PLAGL1: variants seen among roughly 807,000 people sequenced by gnomAD.
The protein encoded by PLAGL1 is zinc finger protein PLAGL1.
PLAGL1 carries 1 observed loss-of-function variant against 4.6 expected under a neutral mutation model. The observed-to-expected ratio is 0.22, with a 90% CI of 0.08 to 1.03. The LOEUF is 1.03. PLAGL1 is among the 50% of genes least tolerant of loss of function. The probability of loss-of-function intolerance (pLI) is 0.58; values close to 1 mark genes in which losing one functional copy is unlikely to be tolerated. For synonymous variants in PLAGL1, 240 were observed against 237.8 expected, an observed-to-expected ratio of 1.01 and a Z score of -0.08; for missense variants, 464 against 570.4, an observed-to-expected ratio of 0.81 and a Z score of 1.90.
At position 143,979,183 on chromosome 6, in the gene PLAGL1, A is replaced by G. The variant is rs898049961; in HGVS notation, c.-544+5952T>C. Among the ~76,000 whole-genome samples the G allele has an allele frequency of 6.6e-6, 1 of 152,052 alleles. No individual in the cohort carries two copies. Among genetic ancestry groups the G allele is most frequent in the Non-Finnish European group, 1.5e-5 (1 of 67,966 alleles). ...ATTTGTGTCTTTACACATGAAGTGCATTTTTTTGTAGGCAGCATATAGTTA... is the reference window on the plus strand; with the variant it reads ...ATTTGTGTCTTTACACATGAAGTGCGTTTTTTTGTAGGCAGCATATAGTTA... On this transcript the variant is annotated intron_variant, in intron 2 of 7. Transcript: ENST00000674357. The surrounding 1 kb of genome is among the most constrained non-coding windows in gnomAD (Gnocchi z 4.6).
intron 2 of PLAGL1, among the ~76,000 whole-genome samples, chr6:143,977,439 CTTT>C (rs958256573): frequency 6.3e-5 from 7 of 110,672 alleles, no homozygotes; most frequent in East Asian, 2.6e-4. Context: ...TAGCTCACTT[CTTT>C]TTTTTTTATT....
In PLAGL1 at chr6:143,960,198, A is replaced by C. The variant is rs958339924; in HGVS notation, c.-325+271T>G. On this transcript the variant is annotated intron_variant, in intron 6 of 7. Coordinates refer to ENST00000674357, the MANE Select transcript of PLAGL1 (RefSeq NM_001317162.2). This position sits in a 1 kb window ranked among gnomAD's most constrained non-coding sequence, Gnocchi z 5.7. ...ATTCCATAGATCTATGTGTATTACT[A>C]GGCTGTGGATGTGGGACAGCAGAGG... Among the ~76,000 whole-genome samples, 1 of 152,200 alleles carries C rather than the reference A, an allele frequency of 6.6e-6. No individual in the cohort carries two copies. The highest frequency in any genetic ancestry group is 6.5e-5 in the Admixed American group (1 of 15,280).
Position 144,064,532 on chromosome 6 carries a change from CTCCGGCCGGCGGG to C in PLAGL1, c.-228_-216del, listed in dbSNP as rs2128735706. 6.6e-6 allele frequency: 1 copy of C among 152,318 alleles called. No individual in the cohort carries two copies. The highest frequency in any genetic ancestry group is 2.4e-5 in the African/African-American group (1 of 41,568). The allele number at this position is 152,318 out of a possible 1,614,324, so 9.4% of individuals were successfully genotyped here. A position where few individuals can be genotyped will look rare whatever the true frequency, so the allele number is the denominator to read the frequency against. The stretch of plus-strand genomic sequence containing the variant: ...CGGAGCCCGTGGCCCACTGGGTCAG[CTCCGGCCGGCGGG>C]TCCGGGCGGCCGCTGGGCGTGCGGC... On this transcript the variant is annotated 5_prime_UTR_variant, in exon 1 of 4. Transcript: ENST00000437412. The surrounding 1 kb of genome is among the most constrained non-coding windows in gnomAD (Gnocchi z 6.8).
Position 143,982,652 on chromosome 6 carries a change from TG to T in PLAGL1, c.-544+2482del, listed in dbSNP as rs1788205624. Among the ~76,000 whole-genome samples, 1 of 152,138 alleles carries T rather than the reference TG, an allele frequency of 6.6e-6. No homozygotes were observed. The highest frequency in any genetic ancestry group is 1.5e-5 in the Non-Finnish European group (1 of 68,018). ...TGCACCAGTGCAGTAGCAGAAGAGC[TG>T]GGGAGAAGTGGTCACCTTCTGGATT... On this transcript the variant is annotated intron_variant, in intron 2 of 7. Transcript: ENST00000674357. This position sits in a 1 kb window ranked among gnomAD's most constrained non-coding sequence, Gnocchi z 5.3.
In PLAGL1 at chr6:143,985,953, CATATATATCAAATTAT is replaced by C. The variant is rs1788960517; in HGVS notation, c.-583-795_-583-780del. ...CATATATATAAAAGATATATATACACATATATATCAAATTATATATATATAAAATTATATATATATA... is the reference window on the plus strand; with the variant it reads ...CATATATATAAAAGATATATATACACATATATATAAAATTATATATATATA... On this transcript the variant is annotated intron_variant, in intron 1 of 7. Transcript: ENST00000674357. The surrounding 1 kb of genome is among the most constrained non-coding windows in gnomAD (Gnocchi z 4.4). 8.3e-6 allele frequency among the ~76,000 whole-genome samples: 1 copy of C among 120,242 alleles called. No homozygotes were observed. The highest frequency in any genetic ancestry group is 2.9e-5 in the African/African-American group (1 of 34,446). 78.9% of individuals were successfully genotyped at this position (120,242 alleles called of 152,430 possible).
intron 1 of PLAGL1, among the ~76,000 whole-genome samples, chr6:144,047,028 G>A (rs975758394): frequency 6.6e-6 from 1 of 152,238 alleles, no homozygotes; most frequent in African/African-American, 2.4e-5. Context: ...ATCTCCTGGT[G>A]TGCCGTTTGC....
rs1433315857 is a variant in PLAGL1 at position 143,983,372 on chromosome 6, A to T, written c.-544+1763T>A. Among the ~76,000 whole-genome samples, 1 of 152,184 alleles carries T rather than the reference A, an allele frequency of 6.6e-6. No individual in the cohort carries two copies. ...ACATTAAATGGGGTAGTAAGTAGAGAGGAATGGGAGTTAAATAATTTTTTT... is the reference window on the plus strand; with the variant it reads ...ACATTAAATGGGGTAGTAAGTAGAGTGGAATGGGAGTTAAATAATTTTTTT... On this transcript the variant is annotated intron_variant, in intron 2 of 7. Coordinates refer to ENST00000674357, the MANE Select transcript of PLAGL1 (RefSeq NM_001317162.2). The surrounding 1 kb of genome is among the most constrained non-coding windows in gnomAD (Gnocchi z 6.6).
chr6:143,988,115 G>A (rs1317477459), intron 1 of PLAGL1, among the ~76,000 whole-genome samples: 1 of 152,138 alleles, frequency 6.6e-6, no homozygotes, highest in African/African-American at 2.4e-5. Context: ...AAGTAATAAC[G>A]ATTATGCCTA....
chr6:144,014,407 C>T (rs535825062), intron 1 of PLAGL1, among the ~76,000 whole-genome samples: 9 of 151,666 alleles, frequency 5.9e-5, no homozygotes, highest in South Asian at 4.2e-4. Flanking sequence ...CCAGCCTAGG[C>T]GACAGAGCAA....
At position 143,957,242 on chromosome 6, in the gene PLAGL1, A is replaced by C. The variant is rs1782347129; in HGVS notation, c.-325+3227T>G. Among the ~76,000 whole-genome samples, 1 of 152,242 alleles carries C rather than the reference A, an allele frequency of 6.6e-6. No homozygotes were observed. Among genetic ancestry groups the C allele is most frequent in the Admixed American group, 6.5e-5 (1 of 15,286 alleles). On this transcript the variant is annotated intron_variant, in intron 6 of 7. Transcript: ENST00000674357. The surrounding 1 kb of genome is among the most constrained non-coding windows in gnomAD (Gnocchi z 4.2). The stretch of plus-strand genomic sequence containing the variant: ...GTCCAGGCCTGGTTCTCAAGCTGAG[A>C]TGGGACTGCCTTGTTTGAAGAGGAC...
At chr6:144,023,074 T>A (rs980395713) in intron 1 of PLAGL1, among the ~76,000 whole-genome samples, 1 of 152,214 alleles carries the variant, frequency 6.6e-6, no homozygotes, top group Non-Finnish European at 1.5e-5. Flanking sequence ...GAGCTATTAA[T>A]TCATGCAACA....
chr6:144,043,733 A>G (rs1194697792), intron 1 of PLAGL1, among the ~76,000 whole-genome samples: 1 of 151,792 alleles, frequency 6.6e-6, no homozygotes, highest in African/African-American at 2.4e-5. Context: ...TATTGATTGG[A>G]ATTGTTTCAG....
rs1225120575 is a variant in PLAGL1 at position 143,953,511 on chromosome 6, A to G, written c.-324-5051T>C. Among the ~76,000 whole-genome samples, 1 of 152,252 alleles carries G rather than the reference A, an allele frequency of 6.6e-6. No individual in the cohort carries two copies. Among genetic ancestry groups the G allele is most frequent in the Non-Finnish European group, 1.5e-5 (1 of 68,044 alleles). On this transcript the variant is annotated intron_variant, in intron 6 of 7. Coordinates refer to ENST00000674357, the MANE Select transcript of PLAGL1 (RefSeq NM_001317162.2). This position sits in a 1 kb window ranked among gnomAD's most constrained non-coding sequence, Gnocchi z 5.3. ...TACAGCTTTGGAACATCAAATCCACATCCTAGCCAGAACATCTGAAAAGGG... is the reference window on the plus strand; with the variant it reads ...TACAGCTTTGGAACATCAAATCCACGTCCTAGCCAGAACATCTGAAAAGGG...
Position 143,963,454 on chromosome 6 carries a change from C to T in PLAGL1, c.-399+1333G>A, listed in dbSNP as rs1019829316. Among the ~76,000 whole-genome samples the T allele has an allele frequency of 4.6e-5, 7 of 152,216 alleles. No homozygotes were observed. Among genetic ancestry groups the T allele is most frequent in the African/African-American group, 1.4e-4 (6 of 41,448 alleles). The stretch of plus-strand genomic sequence containing the variant: ...CCGCTATGCAATAGCCATCAGAGCT[C>T]CCGGATCCTCACCAGGTGATGGCTA... On this transcript the variant is annotated intron_variant, in intron 5 of 7. Coordinates refer to ENST00000674357, the MANE Select transcript of PLAGL1 (RefSeq NM_001317162.2). The surrounding 1 kb of genome is among the most constrained non-coding windows in gnomAD (Gnocchi z 6.1).
chr6:143,994,080 G>C lies in PLAGL1; in HGVS notation c.-583-8906C>G, dbSNP rs190961971. 8.6e-5 allele frequency among the ~76,000 whole-genome samples: 13 copies of C among 151,786 alleles called. No homozygotes were observed. Among genetic ancestry groups the C allele is most frequent in the Middle Eastern group, 6.9e-3 (2 of 290 alleles). On this transcript the variant is annotated intron_variant, in intron 1 of 7. Transcript: ENST00000674357. The surrounding 1 kb of genome is among the most constrained non-coding windows in gnomAD (Gnocchi z 4.3). ...AAAGAACTCCCTAGGGGCAAGGCCA[G>C]TACTTCTGAAAATGATGAACAAGAA...
chr6:144,060,684 A>G (rs1214508120), intron 1 of PLAGL1, among the ~76,000 whole-genome samples: 5 of 152,224 alleles, frequency 3.3e-5, no homozygotes, highest in Admixed American at 2.6e-4. Context: ...TTATTTTTCA[A>G]CGAAGAGATT....
chr6:144,003,250 A>G (rs936545566), intron 1 of PLAGL1, among the ~76,000 whole-genome samples: 5 of 152,198 alleles, frequency 3.3e-5, no homozygotes, highest in African/African-American at 4.8e-5. Context: ...ACCATACACA[A>G]AAATCAACTG....
At chr6:144,010,550 A>G (rs1795102503), upstream of PLAGL1, among the ~76,000 whole-genome samples, 1 of 152,216 alleles carries the variant, frequency 6.6e-6, no homozygotes, top group African/African-American at 2.4e-5. This position sits in a 1 kb window ranked among gnomAD's most constrained non-coding sequence, Gnocchi z 4.1. Context: ...TATAGATTCA[A>G]TGCTATCCCC....
intron 1 of PLAGL1, among the ~76,000 whole-genome samples, chr6:143,993,697 C>A (rs34607764): frequency 0.027 from 4,042 of 152,220 alleles, 58 homozygotes; most frequent in Non-Finnish European, 0.042. Context: ...GTAAAGCTTT[C>A]CAATAGAAGC....
Sources: gnomAD v4.1 joint callset for allele counts (sites outside exome capture counted in the v4.1 genomes callset) on GRCh38, gnomAD v4.1.1 for gene constraint, Gnocchi (gnomAD v3.1) non-coding constraint, MANE v1.5 for transcripts, NCBI Gene and HGNC (gene_info 2026-07-23, HGNC 2026-07-21) for gene names.